The following FBN2 variants were observed in gnomAD, a reference collection of about 807,000 sequenced individuals.
FBN2 encodes the protein fibrillin-2.
Under a neutral mutation model 355.6 loss-of-function variants are expected in FBN2, and 105 were observed. The ratio of observed to expected loss-of-function variants is 0.30; its 90% CI spans 0.25 to 0.35. FBN2 has a LOEUF of 0.35. Ranked by LOEUF, FBN2 falls within the 10% of genes least tolerant of loss-of-function variation. The pLI is 1.00. For missense variants in FBN2, 3,280 were observed against 3,758.7 expected, an observed-to-expected ratio of 0.87 and a Z score of 3.33; for synonymous variants, 1,350 against 1,301.2, an observed-to-expected ratio of 1.04 and a Z score of -0.81.
At chr5:128,306,012 T>A in intron 42 of FBN2, 64 bp from the exon 43 acceptor site, 1 of 1,460,538 alleles carries the variant, frequency 6.8e-7, no homozygotes, top group African/African-American at 1.4e-5. Context: ...CATATAACTT[T>A]GAATAATGCT....
At chr5:128,427,944 A>G (rs944600058) in intron 7 of FBN2, among the ~76,000 whole-genome samples, 2 of 152,098 alleles carry the variant, frequency 1.3e-5, no homozygotes, top group African/African-American at 2.4e-5. Flanking sequence ...TCTCCTCGCT[A>G]TGTTCTCCCC....
intron 5 of FBN2, among the ~76,000 whole-genome samples, chr5:128,500,704 A>G (rs575598680): frequency 1.3e-5 from 2 of 152,082 alleles, no homozygotes; most frequent in South Asian, 4.2e-4. Context: ...TCGGCCTCCT[A>G]AAGTGCTGGG....
intron 5 of FBN2, among the ~76,000 whole-genome samples, chr5:128,512,512 CAAAAAAA>C (rs1158661549): frequency 3.3e-5 from 2 of 60,688 alleles, no homozygotes; most frequent in Middle Eastern, 8.5e-3. Context: ...GAACCCGTCT[CAAAAAAA>C]AAAAAAAAAA....
At chr5:128,302,444 G>C (rs1199128014) in intron 46 of FBN2, among the ~76,000 whole-genome samples, 1 of 152,158 alleles carries the variant, frequency 6.6e-6, no homozygotes, top group Non-Finnish European at 1.5e-5. Flanking sequence ...AGTCCTGTAT[G>C]GCGCATAGGA....
intron 5 of FBN2, among the ~76,000 whole-genome samples, chr5:128,477,814 C>T (rs1447123811): frequency 2.0e-5 from 3 of 152,150 alleles, no homozygotes; most frequent in South Asian, 2.1e-4. Context: ...TGCGAGGGGG[C>T]TGGGGGGAGT....
intron 11 of FBN2, among the ~76,000 whole-genome samples, chr5:128,385,316 T>G (rs1325884599): frequency 1.3e-5 from 2 of 152,138 alleles, no homozygotes; most frequent in Non-Finnish European, 2.9e-5. Context: ...TATTTGGTTT[T>G]CTGTGTCTGT....
At chr5:128,451,463 G>T (rs571884903) in intron 6 of FBN2, among the ~76,000 whole-genome samples, 1 of 151,936 alleles carries the variant, frequency 6.6e-6, no homozygotes, top group African/African-American at 2.4e-5. Context: ...GCAATGGTGC[G>T]ATCTCGGCTC....
intron 7 of FBN2, among the ~76,000 whole-genome samples, chr5:128,433,425 A>T (rs948386015): frequency 2.0e-5 from 3 of 152,218 alleles, no homozygotes; most frequent in Non-Finnish European, 2.9e-5. Flanking sequence ...GCAACATAAG[A>T]GGTTTTTACT....
In FBN2 at chr5:128,392,253, TGTA is replaced by T. The variant is rs371874926; in HGVS notation, c.1466-101_1466-99del. 2.2e-4 allele frequency: 218 copies of T among 1,000,230 alleles called. 1 individual carries two copies. The African/African-American group carries it at 2.6e-3, about 12-fold the overall frequency. The allele number at this position is 1,000,230 out of a possible 1,614,324, so 62.0% of individuals were successfully genotyped here. ...GACATTTAATAGTAAATTAATTAGA[TGTA>T]TATCAGAAGCTCATATTTTATATTT... On this transcript the variant is annotated intron_variant, in intron 10 of 64. Transcript: ENST00000262464.
chr5:128,476,572 A>G (rs1047616897), intron 5 of FBN2, among the ~76,000 whole-genome samples: 1 of 152,144 alleles, frequency 6.6e-6, no homozygotes, highest in African/African-American at 2.4e-5. Flanking sequence ...AAATCCATTA[A>G]GAGGATATAA....
At chr5:128,530,891 C>T (rs536065396) in intron 2 of FBN2, among the ~76,000 whole-genome samples, 198 bp from the exon 3 acceptor site, 28 of 152,174 alleles carry the variant, frequency 1.8e-4, no homozygotes, top group African/African-American at 6.3e-4. Context: ...CTTATGAAAA[C>T]GTGTAAACAA....
intron 55 of FBN2, among the ~76,000 whole-genome samples, chr5:128,281,843 G>A (rs539294125): frequency 3.9e-5 from 6 of 152,034 alleles, no homozygotes; most frequent in East Asian, 3.9e-4. Flanking sequence ...CCGCCACCAC[G>A]CCCAGCTAAT....
At chr5:128,312,562 C>G in intron 37 of FBN2, 72 bp downstream of exon 37, 1 of 1,566,340 alleles carries the variant, frequency 6.4e-7, no homozygotes, top group Non-Finnish European at 8.8e-7. Flanking sequence ...TCACTCCCAG[C>G]TCAGGAATAA....
intron 8 of FBN2, among the ~76,000 whole-genome samples, chr5:128,403,962 T>C (rs1435000175): frequency 6.6e-6 from 1 of 152,228 alleles, no homozygotes; most frequent in Non-Finnish European, 1.5e-5. Context: ...TCATGTGGTA[T>C]ACACTCAGAA....
At chr5:128,330,459 A>T in intron 33 of FBN2, 114 bp downstream of exon 33, 1 of 1,086,538 alleles carries the variant, frequency 9.2e-7, no homozygotes, top group Non-Finnish European at 1.4e-6. Flanking sequence ...AGTCAAGTAT[A>T]AAAAAAGAGG....
At chr5:128,378,141 C>A (rs532257256) in intron 12 of FBN2, among the ~76,000 whole-genome samples, 15 of 150,406 alleles carry the variant, frequency 1.0e-4, no homozygotes, top group Non-Finnish European at 1.8e-4. Flanking sequence ...GCTGGAATTA[C>A]TGGTTGCAGC....
chr5:128,291,575 G>A lies in FBN2; in HGVS notation c.6246C>T (p.Leu2082=). The change falls in exon 49 of 65, where the codon CTC becomes CTT. Residue 2082 remains leucine, a synonymous_variant. Coordinates refer to ENST00000262464, the MANE Select transcript of FBN2 (RefSeq NM_001999.4). ...CAGATAGTACAAAGCCAGGGGGGCA[G>A]AGGCACTGGAAGCCCCCTGGAGTAT... is the stretch of plus-strand genomic sequence containing the variant. The part of the protein sequence containing the change: ...CTNTPGGFQC[L]CPPGFVLSDN... 6.2e-7 allele frequency: 1 copy of A among 1,613,786 alleles called. No homozygotes were observed. Among genetic ancestry groups the A allele is most frequent in the South Asian group, 1.1e-5 (1 of 91,070 alleles).
chr5:128,506,301 A>T (rs1290821666), intron 5 of FBN2, among the ~76,000 whole-genome samples: 1 of 152,170 alleles, frequency 6.6e-6, no homozygotes, highest in Non-Finnish European at 1.5e-5. Flanking sequence ...CCAACTAATG[A>T]ACATATGTAT....
intron 2 of FBN2, among the ~76,000 whole-genome samples, chr5:128,532,438 T>C (rs1201414179): frequency 3.3e-5 from 5 of 152,178 alleles, no homozygotes; most frequent in Non-Finnish European, 7.3e-5. Context: ...GTCTCTCCCA[T>C]GTTTAGAGAC....
Sources: allele counts gnomAD v4.1 joint callset (sites outside exome capture counted in the v4.1 genomes callset), GRCh38; gene constraint gnomAD v4.1.1; transcripts MANE v1.5; gene names NCBI Gene and HGNC (gene_info 2026-07-23, HGNC 2026-07-21).